The following GNAO1 variants were observed in gnomAD, a reference collection of about 807,000 sequenced individuals.
GNAO1 encodes the protein G protein subunit alpha o1.
For synonymous variants in GNAO1, 164 were observed against 180.7 expected (o/e 0.91, Z 0.74); for missense variants, 166 against 478.7 (o/e 0.35, Z 6.10).
intron 6 of GNAO1, among the ~76,000 whole-genome samples, chr16:56,348,708 G>A (rs1387427983): frequency 3.3e-5 from 5 of 150,508 alleles, no homozygotes; most frequent in East Asian, 2.0e-4. Flanking sequence ...TCCAGGCAGC[G>A]TGCCGAGGGA....
At chr16:56,265,063 T>A (rs1172077143) in intron 2 of GNAO1, among the ~76,000 whole-genome samples, 3 of 152,290 alleles carry the variant, frequency 2.0e-5, no homozygotes, top group African/African-American at 7.2e-5. Flanking sequence ...CCATCTAGGT[T>A]TTGTGGTTTT....
intron 2 of GNAO1, among the ~76,000 whole-genome samples, chr16:56,248,563 A>C (rs1377092851): frequency 6.6e-6 from 1 of 152,186 alleles, no homozygotes; most frequent in Admixed American, 6.5e-5. Context: ...ATAATATGTC[A>C]GGGGCAGATA....
chr16:56,331,238 C>G (rs1427048705), intron 4 of GNAO1, among the ~76,000 whole-genome samples: 1 of 152,198 alleles, frequency 6.6e-6, no homozygotes, highest in Non-Finnish European at 1.5e-5. Context: ...GCACCCCGGC[C>G]TCTGTGAACA....
chr16:56,249,499 G>A (rs1230225496), intron 2 of GNAO1, among the ~76,000 whole-genome samples: 3 of 152,116 alleles, frequency 2.0e-5, no homozygotes, highest in Non-Finnish European at 2.9e-5. Context: ...AGGCTGTTCT[G>A]TGGACAACTG....
At chr16:56,238,714 A>AT (rs781194142) in intron 2 of GNAO1, among the ~76,000 whole-genome samples, 2 of 152,262 alleles carry the variant, frequency 1.3e-5, no homozygotes, top group Non-Finnish European at 2.9e-5. Flanking sequence ...CCACACACGC[A>AT]TTTTTTAAAG....
intron 2 of GNAO1, chr16:56,271,097 A>C (rs1277830947): frequency 6.6e-6 from 1 of 152,298 alleles, no homozygotes; most frequent in Non-Finnish European, 1.5e-5. Flanking sequence ...TTTCCTTGCC[A>C]GAACATTGGG....
intron 3 of GNAO1, among the ~76,000 whole-genome samples, chr16:56,314,688 G>A (rs1416283841): frequency 2.6e-5 from 4 of 152,324 alleles, no homozygotes; most frequent in South Asian, 2.1e-4. Context: ...AGGAGACCAC[G>A]ATTGTATCTG....
At chr16:56,296,265 GT>G (rs1348059306) in intron 3 of GNAO1, among the ~76,000 whole-genome samples, 5 of 152,084 alleles carry the variant, frequency 3.3e-5, no homozygotes, top group East Asian at 1.9e-4. Context: ...TGTGTTGTGG[GT>G]TTTTTTTAGA....
At chr16:56,239,027 G>A (rs1184891227) in intron 2 of GNAO1, among the ~76,000 whole-genome samples, 1 of 152,142 alleles carries the variant, frequency 6.6e-6, no homozygotes, top group Non-Finnish European at 1.5e-5. Flanking sequence ...AGACATCTCT[G>A]TAAATCTCTG....
intron 2 of GNAO1, among the ~76,000 whole-genome samples, chr16:56,206,387 A>G (rs1313079339): frequency 2.6e-5 from 4 of 151,476 alleles, no homozygotes; most frequent in Non-Finnish European, 4.4e-5. Context: ...CCTGTTGGCT[A>G]TGGAAGGACA....
At chr16:56,350,936 C>T (rs2037914856) in intron 6 of GNAO1, among the ~76,000 whole-genome samples, 1 of 151,892 alleles carries the variant, frequency 6.6e-6, no homozygotes, top group Admixed American at 6.6e-5. Context: ...CACACTCAAG[C>T]ACATGGATGC....
intron 2 of GNAO1, among the ~76,000 whole-genome samples, chr16:56,204,878 T>C (rs1340079223): frequency 6.6e-6 from 1 of 152,114 alleles, no homozygotes; most frequent in Non-Finnish European, 1.5e-5. Flanking sequence ...TCCTCACATA[T>C]AAAATTAGGA....
At chr16:56,226,734 TA>T (rs2036536267) in intron 2 of GNAO1, among the ~76,000 whole-genome samples, 1 of 152,228 alleles carries the variant, frequency 6.6e-6, no homozygotes, top group Non-Finnish European at 1.5e-5. Flanking sequence ...TTTCAATAAC[TA>T]TGAGTTTGGT....
intron 2 of GNAO1, among the ~76,000 whole-genome samples, chr16:56,214,152 A>G (rs2036418147): frequency 6.6e-6 from 1 of 152,136 alleles, no homozygotes; most frequent in African/African-American, 2.4e-5. Context: ...CAGGAGACAA[A>G]CACTGAACAT....
At chr16:56,200,737 C>A (rs1430228230) in intron 2 of GNAO1, among the ~76,000 whole-genome samples, 2 of 152,178 alleles carry the variant, frequency 1.3e-5, no homozygotes, top group Admixed American at 1.3e-4. Flanking sequence ...AGGTCAGTGG[C>A]TGAGAGAATA....
intron 3 of GNAO1, among the ~76,000 whole-genome samples, chr16:56,286,998 C>G (rs554078245): frequency 9.8e-5 from 15 of 152,338 alleles, no homozygotes; most frequent in African/African-American, 3.6e-4. Context: ...GAGGGCCGGC[C>G]AGGCTGAGTC....
chr16:56,220,855 C>T (rs1450237688), intron 2 of GNAO1, among the ~76,000 whole-genome samples: 2 of 152,148 alleles, frequency 1.3e-5, no homozygotes, highest in Non-Finnish European at 2.9e-5. Flanking sequence ...TCAAGCAATT[C>T]TTCTGCCTCA....
At chr16:56,279,483 C>T (rs1331037112) in intron 3 of GNAO1, among the ~76,000 whole-genome samples, 2 of 152,220 alleles carry the variant, frequency 1.3e-5, no homozygotes, top group Admixed American at 6.5e-5. Context: ...TCTCACTCCT[C>T]TGGGCCTTCG....
At chr16:56,202,036 A>C (rs534196805) in intron 2 of GNAO1, among the ~76,000 whole-genome samples, 87 of 152,314 alleles carry the variant, frequency 5.7e-4, no homozygotes, top group African/African-American at 2.0e-3. Context: ...TGCGTCTCCC[A>C]TCACACACAC....
Sources: gnomAD v4.1 joint callset for allele counts (sites outside exome capture counted in the v4.1 genomes callset) on GRCh38, gnomAD v4.1.1 for gene constraint, MANE v1.5 for transcripts, NCBI Gene and HGNC (gene_info 2026-07-23, HGNC 2026-07-21) for gene names.